The following LIPA variants were observed in gnomAD, a reference collection of about 807,000 sequenced individuals.
LIPA encodes the protein lipase A, lysosomal acid type, also known as lysosomal acid lipase/cholesteryl ester hydrolase.
A neutral mutation model predicts 40.6 loss-of-function variants in LIPA; 26 were observed. That is an observed-to-expected ratio of 0.64 (90% CI 0.47 to 0.89). The LOEUF is 0.89. Ranked by LOEUF, LIPA falls within the 40% of genes least tolerant of loss-of-function variation. The pLI is 0.00. For missense variants in LIPA, 455 were observed against 479.6 expected (o/e 0.95, Z 0.48); for synonymous variants, 188 against 168.4 (o/e 1.12, Z -0.90).
intron 1 of LIPA, among the ~76,000 whole-genome samples, chr10:89,413,921 A>G (rs2133648101): frequency 6.6e-6 from 1 of 152,282 alleles, no homozygotes; most frequent in Non-Finnish European, 1.5e-5. Context: ...TGGCTCTTAC[A>G]GTTGTTTGTC....
intron 1 of LIPA, among the ~76,000 whole-genome samples, chr10:89,280,216 T>C (rs1034609146): frequency 6.6e-6 from 1 of 152,192 alleles, no homozygotes; most frequent in African/African-American, 2.4e-5. Context: ...ATTTTGTTTA[T>C]ACTGATGAAT....
At chr10:89,394,838 C>A (rs550504049) in intron 2 of LIPA, among the ~76,000 whole-genome samples, 2 of 151,972 alleles carry the variant, frequency 1.3e-5, no homozygotes, top group African/African-American at 4.8e-5. Context: ...AGCAGTCACT[C>A]CCTACTTGCC....
intron 2 of LIPA, among the ~76,000 whole-genome samples, chr10:89,383,107 G>T (rs1273677321): frequency 6.6e-6 from 1 of 152,176 alleles, no homozygotes; most frequent in Non-Finnish European, 1.5e-5. Context: ...TAACCTATCT[G>T]TTGGCACTAC....
intron 1 of LIPA, among the ~76,000 whole-genome samples, chr10:89,294,315 T>C (rs1361973374): frequency 6.6e-6 from 1 of 152,118 alleles, no homozygotes; most frequent in Non-Finnish European, 1.5e-5. Flanking sequence ...GATTGGGAGA[T>C]TGGGTAATTT....
chr10:89,296,084 C>G (rs898256985), intron 1 of LIPA, among the ~76,000 whole-genome samples: 1 of 152,186 alleles, frequency 6.6e-6, no homozygotes, highest in African/African-American at 2.4e-5. Flanking sequence ...CAATAGTTTT[C>G]TTGAATACTG....
At chr10:89,363,774 C>CAAAAAAA (rs760221407) in intron 2 of LIPA, among the ~76,000 whole-genome samples, 1 of 93,100 alleles carries the variant, frequency 1.1e-5, no homozygotes, top group African/African-American at 4.1e-5. Flanking sequence ...CAGACTCCAT[C>CAAAAAAA]AAAAAAAAAA....
At chr10:89,308,855 G>A (rs1843499984) in intron 1 of LIPA, 1 of 152,152 alleles carries the variant, frequency 6.6e-6, no homozygotes, top group Non-Finnish European at 1.5e-5. Flanking sequence ...TCATCAGGGT[G>A]CAAAATTTGT....
At chr10:89,284,140 G>A (rs554026143) in intron 1 of LIPA, 1 of 152,402 alleles carries the variant, frequency 6.6e-6, no homozygotes, top group African/African-American at 2.4e-5. Flanking sequence ...AGCCAGAGAC[G>A]AACGTCCCTC....
chr10:89,368,926 T>TCACACACACACACA (rs3063812), intron 2 of LIPA, among the ~76,000 whole-genome samples: 3 of 148,706 alleles, frequency 2.0e-5, no homozygotes, highest in African/African-American at 7.4e-5. Context: ...AACACAAAAC[T>TCACACACACACACA]CACACACACA....
chr10:89,360,797 C>T (rs1490791290), intron 2 of LIPA, among the ~76,000 whole-genome samples: 3 of 152,190 alleles, frequency 2.0e-5, no homozygotes, highest in African/African-American at 7.2e-5. Context: ...GCTGCCATAA[C>T]ATAGTACCAC....
upstream of LIPA, among the ~76,000 whole-genome samples, chr10:89,346,548 G>T (rs952254290): frequency 1.3e-5 from 2 of 152,084 alleles, no homozygotes; most frequent in Non-Finnish European, 1.5e-5. Context: ...TAAAGGTCAG[G>T]GTGGTTCCTG....
rs578106074 is a variant in LIPA, at chr10:89,311,579, G to A, written c.-2+31032C>T. Among the ~76,000 whole-genome samples, 113 of 147,870 alleles carry A rather than the reference G, an allele frequency of 7.6e-4. 1 individual carries two copies. The highest frequency in any genetic ancestry group is 2.7e-3 in the African/African-American group (110 of 40,250). On this transcript the variant is annotated intron_variant, in intron 1 of 5. Transcript: ENST00000282673. ...CCTACTTGTACGTTTTTTGCATTTA[G>A]TGAAACACCTACATAAGTTGGAGCT...
At chr10:89,401,180 G>A (rs937335566) in intron 2 of LIPA, among the ~76,000 whole-genome samples, 5 of 150,766 alleles carry the variant, frequency 3.3e-5, no homozygotes, top group African/African-American at 4.9e-5. Flanking sequence ...GCAGTGGCGC[G>A]ATCTCAGCTC....
chr10:89,412,827 A>G (rs1841484890), exon 2 of LIPA: 1 of 401,478 alleles, frequency 2.5e-6, no homozygotes, highest in Non-Finnish European at 4.9e-6. Flanking sequence ...TGAACATCGA[A>G]AGGAACAAAC....
At chr10:89,355,493 A>G (rs933128260) in intron 2 of LIPA, among the ~76,000 whole-genome samples, 2 of 152,226 alleles carry the variant, frequency 1.3e-5, no homozygotes, top group African/African-American at 4.8e-5. Flanking sequence ...GAAGTTTGTT[A>G]TTCTTCAGTT....
At chr10:89,353,476 C>T (rs922971006) in intron 2 of LIPA, among the ~76,000 whole-genome samples, 3 of 152,102 alleles carry the variant, frequency 2.0e-5, no homozygotes, top group Non-Finnish European at 2.9e-5. Flanking sequence ...GGAGAAATAA[C>T]GAAAGACCCC....
intron 1 of LIPA, among the ~76,000 whole-genome samples, chr10:89,264,895 A>G (rs1170954489): frequency 6.6e-6 from 1 of 152,156 alleles, no homozygotes; most frequent in Non-Finnish European, 1.5e-5. Context: ...TCCTGCTGCC[A>G]TCTGCGTGTC....
chr10:89,352,620 C>A (rs1250287510), intron 2 of LIPA, among the ~76,000 whole-genome samples: 1 of 151,962 alleles, frequency 6.6e-6, no homozygotes, highest in African/African-American at 2.4e-5. Context: ...TTTTCCTGCC[C>A]ACTGCACAAA....
At chr10:89,409,596 T>C (rs990522441) in intron 2 of LIPA, among the ~76,000 whole-genome samples, 1 of 152,180 alleles carries the variant, frequency 6.6e-6, no homozygotes, top group African/African-American at 2.4e-5. Flanking sequence ...GTCATCACTC[T>C]CACTGAGCCC....
Sources: allele counts gnomAD v4.1 joint callset (sites outside exome capture counted in the v4.1 genomes callset), GRCh38; gene constraint gnomAD v4.1.1; transcripts MANE v1.5; gene names NCBI Gene and HGNC (gene_info 2026-07-23, HGNC 2026-07-21).